OCA2: variants seen among roughly 807,000 people sequenced by gnomAD.
OCA2 encodes P protein.
In OCA2, 77 loss-of-function variants were observed where a neutral mutation model predicts 100.2. The observed-to-expected ratio is 0.77, with a 90% CI of 0.64 to 0.93. The LOEUF is 0.93. OCA2 is among the 40% of genes least tolerant of loss of function. The pLI is 0.00. For missense variants in OCA2, 1,062 were observed against 1,089.1 expected, an observed-to-expected ratio of 0.98 and a Z score of 0.35; for synonymous variants, 432 against 439.2, an observed-to-expected ratio of 0.98 and a Z score of 0.21.
intron 18 of OCA2, among the ~76,000 whole-genome samples, chr15:27,937,057 G>C (rs2039480866): frequency 6.6e-6 from 1 of 152,142 alleles, no homozygotes; most frequent in Admixed American, 6.5e-5. Flanking sequence ...TGCCCCAGAG[G>C]CTGAATTGTG....
chr15:27,888,850 C>T (rs1477462840), intron 19 of OCA2, among the ~76,000 whole-genome samples: 1 of 152,016 alleles, frequency 6.6e-6, no homozygotes, highest in Non-Finnish European at 1.5e-5. Context: ...TTTTCCGGGT[C>T]TGTTACAACC....
intron 2 of OCA2, among the ~76,000 whole-genome samples, chr15:28,071,728 G>A (rs1423824082): frequency 6.6e-6 from 1 of 152,214 alleles, no homozygotes; most frequent in African/African-American, 2.4e-5. Flanking sequence ...GCAGAAGATT[G>A]AAGCTGGACC....
At chr15:27,929,033 C>T (rs1437755850) in intron 18 of OCA2, among the ~76,000 whole-genome samples, 1 of 152,142 alleles carries the variant, frequency 6.6e-6, no homozygotes, top group Admixed American at 6.5e-5. Context: ...AATATAGGGG[C>T]TTCTGATCTA....
At chr15:27,825,769 C>T (rs1311538226) in intron 23 of OCA2, among the ~76,000 whole-genome samples, 2 of 152,206 alleles carry the variant, frequency 1.3e-5, no homozygotes, top group East Asian at 3.9e-4. Context: ...CCGGAAGTGT[C>T]CAGCTCCCGC....
chr15:27,799,273 C>T (rs1338611457), intron 23 of OCA2, among the ~76,000 whole-genome samples: 4 of 152,190 alleles, frequency 2.6e-5, no homozygotes, highest in African/African-American at 7.2e-5. Flanking sequence ...GCCCTGGGCA[C>T]ACAGCAGTGA....
chr15:27,919,755 G>A (rs187077233), intron 19 of OCA2, among the ~76,000 whole-genome samples: 23 of 152,196 alleles, frequency 1.5e-4, no homozygotes, highest in African/African-American at 5.3e-4. Flanking sequence ...AACCAAGAAT[G>A]AGCACTAATA....
At chr15:28,098,275 G>A (rs1225399063) in intron 1 of OCA2, among the ~76,000 whole-genome samples, 2 of 152,190 alleles carry the variant, frequency 1.3e-5, no homozygotes, top group African/African-American at 4.8e-5. Context: ...TCATCTCTGT[G>A]TTCAGGTTCA....
intron 1 of OCA2, among the ~76,000 whole-genome samples, chr15:28,084,878 A>T (rs1366125910): frequency 6.6e-6 from 1 of 152,232 alleles, no homozygotes; most frequent in African/African-American, 2.4e-5. Flanking sequence ...AACAAGGAGC[A>T]TCTGGAGAGC....
At chr15:27,989,805 A>T in intron 10 of OCA2, 139 bp from the exon 11 acceptor site, 1 of 748,696 alleles carries the variant, frequency 1.3e-6, no homozygotes, top group Non-Finnish European at 2.4e-6. Flanking sequence ...CTTGCCTTTG[A>T]AGTTGGATTA....
At chr15:27,745,915 G>A in the OCA2 span, among the ~76,000 whole-genome samples, 5 of 152,116 alleles carry the variant, frequency 3.3e-5, no homozygotes, top group Non-Finnish European at 7.3e-5. Context: ...CTATGACTTG[G>A]AAGCCCCCTG....
intron 19 of OCA2, among the ~76,000 whole-genome samples, chr15:27,922,563 A>G (rs1383069534): frequency 2.6e-5 from 4 of 152,124 alleles, no homozygotes; most frequent in Non-Finnish European, 5.9e-5. Context: ...GTAAGCTTTG[A>G]TACATTTTAA....
chr15:27,829,301 A>ATAGATAGT (rs1555412969), intron 23 of OCA2, among the ~76,000 whole-genome samples: 11,438 of 151,120 alleles, frequency 0.076, 546 homozygotes, highest in South Asian at 0.15. Context: ...AGATAGATAG[A>ATAGATAGT]TAGATAGATA....
rs1940461548 is a variant in OCA2 at position 28,018,438 on chromosome 15, G to A, written c.766C>T (p.Gln256Ter). 6.2e-7 allele frequency: 1 copy of A among 1,614,136 alleles called. No homozygotes were observed. Among genetic ancestry groups the A allele is most frequent in the African/African-American group, 1.3e-5 (1 of 75,054 alleles). The change falls in exon 7 of 24, where the codon CAG (glutamine) becomes TAG (stop). Residue 256 changes from glutamine (Q) to a stop codon, truncating the protein, a stop_gained. Coordinates refer to ENST00000354638, the MANE Select transcript of OCA2 (RefSeq NM_000275.3). LOFTEE classifies it high-confidence loss of function. Reference sequence around the variant, plus strand: ...CACCTGGAGCCCAAAGCGTCAGCCTGGGTCAGCTCCACCACGATGTGCTCT... The same window carrying A: ...CACCTGGAGCCCAAAGCGTCAGCCTAGGTCAGCTCCACCACGATGTGCTCT... ...REEHIVVELT[Q>*]ADALGSRWRR...
intron 18 of OCA2, among the ~76,000 whole-genome samples, chr15:27,949,523 T>A (rs972964779): frequency 3.9e-5 from 6 of 151,934 alleles, no homozygotes; most frequent in Admixed American, 3.3e-4. Flanking sequence ...ATTAGCCGGG[T>A]GTGGTGGCGC....
At chr15:28,097,506 T>A (rs561832422) in intron 1 of OCA2, among the ~76,000 whole-genome samples, 41 of 152,220 alleles carry the variant, frequency 2.7e-4, no homozygotes, top group African/African-American at 8.9e-4. Context: ...TGGGCTTTCC[T>A]CCCCTCTGTG....
chr15:27,966,928 G>T, intron 14 of OCA2, 106 bp from the exon 15 acceptor site: 1 of 1,238,908 alleles, frequency 8.1e-7, no homozygotes, highest in Non-Finnish European at 1.2e-6. Context: ...CGGAGATGGA[G>T]ACCATCCTGG....
chr15:27,770,854 CTTT>C (rs1350006735), intron 23 of OCA2, among the ~76,000 whole-genome samples: 28 of 101,460 alleles, frequency 2.8e-4, no homozygotes, highest in African/African-American at 1.4e-3. Flanking sequence ...TCCTTCCTTC[CTTT>C]CTTCCTTCCT....
chr15:27,780,035 G>T (rs2032456559), intron 23 of OCA2, among the ~76,000 whole-genome samples: 1 of 152,178 alleles, frequency 6.6e-6, no homozygotes, highest in African/African-American at 2.4e-5. Flanking sequence ...TGTCCTTAGT[G>T]AAAGAAAGGG....
chr15:28,026,399 GGC>G (rs2042748005), intron 4 of OCA2, among the ~76,000 whole-genome samples: 1 of 152,188 alleles, frequency 6.6e-6, no homozygotes, highest in Non-Finnish European at 1.5e-5. Context: ...GTTGACCCAT[GGC>G]GCCAGAACCC....
Sources: gnomAD v4.1 joint callset for allele counts (sites outside exome capture counted in the v4.1 genomes callset) on GRCh38, gnomAD v4.1.1 for gene constraint, MANE v1.5 for transcripts, NCBI Gene and HGNC (gene_info 2026-07-23, HGNC 2026-07-21) for gene names.